The following CNTNAP3 variants were observed in gnomAD, a reference collection of about 807,000 sequenced individuals.
CNTNAP3 encodes the protein contactin associated protein family member 3.
CNTNAP3 carries 36 observed loss-of-function variants against 92.1 expected under a neutral mutation model. That is an observed-to-expected ratio of 0.39 (90% CI 0.30 to 0.52). The LOEUF is 0.52. Among genes scored for constraint, CNTNAP3 ranks in the 20% least tolerant of loss-of-function variants. CNTNAP3 has a pLI of 0.76. For synonymous variants in CNTNAP3, 232 were observed against 422.3 expected (o/e 0.55, Z 5.53); for missense variants, 534 against 1,069.6 (o/e 0.50, Z 6.98).
chr9:39,084,700 T>C (rs985584531), intron 21 of CNTNAP3, among the ~76,000 whole-genome samples: 22 of 152,150 alleles, frequency 1.4e-4, no homozygotes, highest in Non-Finnish European at 2.8e-4. Context: ...AAAATTGTAG[T>C]TTTGGTATAA....
rs992512628 is a variant in CNTNAP3 at position 39,075,526 on chromosome 9, A to C, written c.3746-1515T>G. ...ATATTTTGAAGTAAAGGCAATTAAG[A>C]AGCAGCCAATGGAGGAAGAGCTCTC... On this transcript the variant is annotated intron_variant, in intron 23 of 23. Transcript: ENST00000297668. 4.1e-3 allele frequency among the ~76,000 whole-genome samples: 631 copies of C among 152,108 alleles called. 1 individual carries two copies. Among genetic ancestry groups the C allele is most frequent in the African/African-American group, 0.014 (595 of 41,326 alleles).
intron 16 of CNTNAP3, among the ~76,000 whole-genome samples, chr9:39,103,200 C>G (rs1398893712): frequency 6.6e-6 from 1 of 152,282 alleles, no homozygotes; most frequent in African/African-American, 2.4e-5. Flanking sequence ...GTTTAAAGCT[C>G]TGGCTCTGCT....
At chr9:39,105,820 C>A (rs1826590125) in intron 15 of CNTNAP3, among the ~76,000 whole-genome samples, 1 of 150,614 alleles carries the variant, frequency 6.6e-6, no homozygotes, top group Non-Finnish European at 1.5e-5. Context: ...CTAGCCCTCT[C>A]AGTAGTCAGC....
intron 12 of CNTNAP3, among the ~76,000 whole-genome samples, chr9:39,136,698 C>G (rs1821445496): frequency 6.6e-6 from 1 of 152,048 alleles, no homozygotes; most frequent in Non-Finnish European, 1.5e-5. Context: ...TTCGGGAGTT[C>G]AAGACCAGCT....
chr9:39,135,025 C>G (rs1988187), intron 12 of CNTNAP3, among the ~76,000 whole-genome samples: 46,232 of 151,802 alleles, frequency 0.3, 10,072 homozygotes, highest in African/African-American at 0.62. Context: ...GGGAACTGTT[C>G]AGAATACATC....
intron 13 of CNTNAP3, 97 bp downstream of exon 13, chr9:39,132,835 G>A (rs1480761842): frequency 2.9e-6 from 4 of 1,361,966 alleles, no homozygotes; most frequent in Non-Finnish European, 3.9e-6. Context: ...AGAGCCACGG[G>A]AGGGACCCTG....
chr9:39,095,554 G>GTT (rs553462031), intron 18 of CNTNAP3, among the ~76,000 whole-genome samples: 59 of 126,038 alleles, frequency 4.7e-4, no homozygotes, highest in Admixed American at 1.2e-3. Flanking sequence ...TTTGTTAAAT[G>GTT]TTTTTTTTTC....
intron 3 of CNTNAP3, among the ~76,000 whole-genome samples, chr9:39,217,391 T>TATATAC: frequency 4.0e-5 from 1 of 25,084 alleles, no homozygotes; most frequent in African/African-American, 6.4e-5. Context: ...TATATATATA[T>TATATAC]ATATATATAT....
chr9:39,087,189 T>C (rs976318014), intron 19 of CNTNAP3, among the ~76,000 whole-genome samples: 4 of 152,232 alleles, frequency 2.6e-5, no homozygotes, highest in African/African-American at 7.2e-5. Flanking sequence ...TTGATATTTA[T>C]GAAATGATGA....
chr9:39,130,267 ACT>A (rs1272824038), intron 13 of CNTNAP3, among the ~76,000 whole-genome samples: 5 of 151,748 alleles, frequency 3.3e-5, no homozygotes, highest in Non-Finnish European at 4.4e-5. Context: ...GAGTGAATAA[ACT>A]CTGGTATATC....
At chr9:39,083,459 G>T (rs1288901589) in intron 21 of CNTNAP3, among the ~76,000 whole-genome samples, 2 of 151,996 alleles carry the variant, frequency 1.3e-5, no homozygotes, top group Non-Finnish European at 2.9e-5. Context: ...AGGAATTCGA[G>T]ACCAGCCTGA....
At position 39,149,948 on chromosome 9, in the gene CNTNAP3, A is replaced by T. The variant is rs1821803575; in HGVS notation, c.1507T>A (p.Cys503Ser). ...TGAAACCCTCCCAGGGGGCTTTTAC[A>T]TCCAGAGCCAGAGCTGTTGTCCAGG... ...GCLDNSSGSG[C>S]KSPLGGFQGC... The change falls in exon 10 of 24, where the codon TGT becomes AGT. Residue 503 changes from cysteine to serine, a missense_variant. Cys to Ser is a moderately radical substitution (Grantham distance 112). Coordinates refer to ENST00000297668, the MANE Select transcript of CNTNAP3 (RefSeq NM_033655.5). The T allele has an allele frequency of 1.2e-6, 2 of 1,611,874 alleles. No homozygotes were observed. The highest frequency in any genetic ancestry group is 1.7e-6 in the Non-Finnish European group (2 of 1,179,790).
intron 15 of CNTNAP3, among the ~76,000 whole-genome samples, chr9:39,105,153 T>C (rs372635145): frequency 2.6e-3 from 400 of 152,268 alleles, no homozygotes; most frequent in East Asian, 4.8e-3. Context: ...CTCGGCTAGG[T>C]GCAGTGGCTC....
At chr9:39,159,306 G>A (rs905235942) in intron 9 of CNTNAP3, 1 of 144,584 alleles carries the variant, frequency 6.9e-6, no homozygotes, top group Non-Finnish European at 1.5e-5. Context: ...AAACTGTGTT[G>A]GCTATTTTGA....
At chr9:39,154,167 G>T in intron 9 of CNTNAP3, 1 of 247,500 alleles carries the variant, frequency 4.0e-6, no homozygotes, top group South Asian at 4.6e-5. Flanking sequence ...CTCAGCTTCA[G>T]GTGAGGAAGG....
chr9:39,123,962 G>T (rs1821097925), intron 13 of CNTNAP3, among the ~76,000 whole-genome samples: 1 of 151,698 alleles, frequency 6.6e-6, no homozygotes, highest in Non-Finnish European at 1.5e-5. Flanking sequence ...AAACAATATA[G>T]GTCAAAAACA....
chr9:39,138,459 A>G (rs1046713389), intron 12 of CNTNAP3, among the ~76,000 whole-genome samples: 7 of 152,242 alleles, frequency 4.6e-5, no homozygotes, highest in Admixed American at 3.9e-4. Context: ...ACAAAAAACA[A>G]AACAAAACAA....
chr9:39,146,224 G>C (rs1222167028), intron 10 of CNTNAP3, among the ~76,000 whole-genome samples: 1 of 152,062 alleles, frequency 6.6e-6, no homozygotes, highest in Non-Finnish European at 1.5e-5. Context: ...GGGCAGGAGT[G>C]GGGTCAGCAG....
At chr9:39,123,674 A>G (rs1285910138) in intron 13 of CNTNAP3, among the ~76,000 whole-genome samples, 1 of 152,128 alleles carries the variant, frequency 6.6e-6, no homozygotes, top group African/African-American at 2.4e-5. Flanking sequence ...TAAAATCTCG[A>G]AATAAACCAG....
Sources: allele counts gnomAD v4.1 joint callset (sites outside exome capture counted in the v4.1 genomes callset), GRCh38; gene constraint gnomAD v4.1.1; transcripts MANE v1.5; gene names NCBI Gene and HGNC (gene_info 2026-07-23, HGNC 2026-07-21).